Variants in TAFA1 observed in about 807,000 individuals in gnomAD.
The protein encoded by TAFA1 is TAFA chemokine like family member 1.
In TAFA1, 4 loss-of-function variants were observed where a neutral mutation model predicts 18.5. The observed-to-expected ratio is 0.22, with a 90% CI of 0.11 to 0.49. The LOEUF is 0.49. Among genes scored for constraint, TAFA1 ranks in the 20% least tolerant of loss-of-function variants. TAFA1 has a pLI of 0.98. For synonymous variants in TAFA1, 56 were observed against 55.2 expected (o/e 1.01, Z -0.06); for missense variants, 147 against 169.0 (o/e 0.87, Z 0.72).
chr3:68,058,263 A>G (rs1447395123), intron 2 of TAFA1, among the ~76,000 whole-genome samples: 2 of 152,348 alleles, frequency 1.3e-5, no homozygotes, highest in Middle Eastern at 3.4e-3. Flanking sequence ...TGGGGGAAAT[A>G]AGGATTTGTA....
chr3:68,525,604 G>C (rs934914864), intron 3 of TAFA1, among the ~76,000 whole-genome samples: 2 of 152,190 alleles, frequency 1.3e-5, no homozygotes, highest in Admixed American at 1.3e-4. Flanking sequence ...GCATATTCCA[G>C]AGATATTGGG....
rs976621967 is a variant in TAFA1, at chr3:68,465,900, G to A, written c.259+48480G>A. Among the ~76,000 whole-genome samples, 14 of 147,062 alleles carry A rather than the reference G, an allele frequency of 9.5e-5. 1 individual carries two copies. ...AGAAGATAATACACTAGGCAGGGGA[G>A]TAAGGGGTGGGATAGGGGAGGGAAT... On this transcript the variant is annotated intron_variant, in intron 3 of 4. Transcript: ENST00000478136.
intron 2 of TAFA1, among the ~76,000 whole-genome samples, chr3:68,158,864 G>T (rs1288149073): frequency 6.6e-6 from 1 of 152,172 alleles, no homozygotes; most frequent in African/African-American, 2.4e-5. Context: ...GAAATAAAGA[G>T]AAATTCTTGT....
chr3:68,120,773 G>A (rs1241778882), intron 2 of TAFA1, among the ~76,000 whole-genome samples: 2 of 152,072 alleles, frequency 1.3e-5, no homozygotes, highest in Admixed American at 6.6e-5. Flanking sequence ...TTTGGGGATC[G>A]TTATTAGAAA....
At chr3:68,457,975 G>A (rs770643995) in intron 3 of TAFA1, among the ~76,000 whole-genome samples, 2 of 152,178 alleles carry the variant, frequency 1.3e-5, no homozygotes, top group African/African-American at 4.8e-5. Flanking sequence ...TCATGGGTAA[G>A]CTCATGGGAT....
chr3:68,147,164 G>T (rs1418333911), intron 2 of TAFA1, among the ~76,000 whole-genome samples: 1 of 151,810 alleles, frequency 6.6e-6, no homozygotes, highest in Non-Finnish European at 1.5e-5. Flanking sequence ...ACTCAGCCAG[G>T]AGCATACCCT....
intron 2 of TAFA1, among the ~76,000 whole-genome samples, chr3:68,126,100 G>A (rs2065461933): frequency 6.6e-6 from 1 of 152,066 alleles, no homozygotes; most frequent in Non-Finnish European, 1.5e-5. Flanking sequence ...CACCTTTCAG[G>A]TCCTTGTCTC....
intron 2 of TAFA1, among the ~76,000 whole-genome samples, chr3:68,173,334 T>C (rs1446177404): frequency 6.8e-6 from 1 of 147,208 alleles, no homozygotes; most frequent in Admixed American, 6.6e-5. Flanking sequence ...AATAAATATA[T>C]ATTCTGTCAT....
At chr3:68,123,878 CAAAAAAA>C (rs758966848) in intron 2 of TAFA1, among the ~76,000 whole-genome samples, 10 of 72,120 alleles carry the variant, frequency 1.4e-4, no homozygotes, top group Admixed American at 1.7e-4. Context: ...CTTTTTTTTC[CAAAAAAA>C]AAAAAAAAAA....
intron 4 of TAFA1, among the ~76,000 whole-genome samples, chr3:68,539,543 C>T (rs145624369): frequency 4.6e-5 from 7 of 151,832 alleles, no homozygotes; most frequent in South Asian, 2.1e-4. Flanking sequence ...GGAGATGCTC[C>T]GGATGCTTAA....
intron 2 of TAFA1, among the ~76,000 whole-genome samples, chr3:68,217,141 G>A (rs1027914932): frequency 6.6e-6 from 1 of 152,076 alleles, no homozygotes; most frequent in Non-Finnish European, 1.5e-5. Context: ...CCACAGCCAA[G>A]TTAACACAAA....
chr3:68,013,868 G>C (rs1316624182), intron 2 of TAFA1, among the ~76,000 whole-genome samples: 1 of 152,128 alleles, frequency 6.6e-6, no homozygotes, highest in Non-Finnish European at 1.5e-5. Context: ...CAAGAAAATG[G>C]ATAGGAATGC....
At chr3:68,281,709 C>T (rs2067900652) in intron 2 of TAFA1, among the ~76,000 whole-genome samples, 2 of 152,084 alleles carry the variant, frequency 1.3e-5, no homozygotes, top group Admixed American at 6.6e-5. Flanking sequence ...CCACCTGCCT[C>T]GGTCTCCCAA....
At chr3:68,502,679 A>G (rs1330709742) in intron 3 of TAFA1, among the ~76,000 whole-genome samples, 1 of 151,878 alleles carries the variant, frequency 6.6e-6, no homozygotes. Flanking sequence ...TGTACTTTTG[A>G]TCTGCCACAT....
At chr3:68,351,081 C>T (rs2069256335) in intron 2 of TAFA1, among the ~76,000 whole-genome samples, 1 of 152,084 alleles carries the variant, frequency 6.6e-6, no homozygotes. Context: ...TTTTAAATTC[C>T]TGATGTCCAG....
intron 3 of TAFA1, among the ~76,000 whole-genome samples, chr3:68,444,771 AATATATATATATATAT>A (rs55684696): frequency 0.14 from 17,908 of 127,182 alleles, 1,455 homozygotes; most frequent in Middle Eastern, 0.18. Flanking sequence ...GTTTCTACAA[AATATATATATATATAT>A]ATATATATAT....
At chr3:68,303,800 A>G (rs2068356092) in intron 2 of TAFA1, among the ~76,000 whole-genome samples, 1 of 152,198 alleles carries the variant, frequency 6.6e-6, no homozygotes, top group Non-Finnish European at 1.5e-5. Context: ...CAAATTTATT[A>G]AAGGAAGCCA....
intron 2 of TAFA1, among the ~76,000 whole-genome samples, chr3:68,120,201 CTTTCTTTCTTTCTTTCTTTCTTTCT>C (rs2065377353): frequency 1.6e-4 from 15 of 95,828 alleles, no homozygotes; most frequent in Non-Finnish European, 2.9e-4. Context: ...TTCTTTCTTT[CTTTCTTTCTTTCTTTCTTTCTTTCT>C]TTCTTTCTTT....
intron 3 of TAFA1, among the ~76,000 whole-genome samples, chr3:68,425,978 A>G (rs1039878): frequency 0.46 from 68,991 of 151,564 alleles, 16,169 homozygotes; most frequent in Non-Finnish European, 0.49. Flanking sequence ...GCAATGGAAT[A>G]TGTGGTAACA....
Sources: gnomAD v4.1 joint callset for allele counts (sites outside exome capture counted in the v4.1 genomes callset) on GRCh38, gnomAD v4.1.1 for gene constraint, MANE v1.5 for transcripts, NCBI Gene and HGNC (gene_info 2026-07-23, HGNC 2026-07-21) for gene names.